Variants in RAB27B observed in about 807,000 individuals in gnomAD.
RAB27B encodes the protein RAB27B, member RAS oncogene family.
Under a neutral mutation model 24.6 loss-of-function variants are expected in RAB27B, and 15 were observed. The observed-to-expected ratio is 0.61, with a 90% CI of 0.41 to 0.94. The LOEUF (loss-of-function observed/expected upper bound fraction) is 0.94, where lower values mean the gene tolerates loss of function less well. Ranked by LOEUF, RAB27B falls within the 40% of genes least tolerant of loss-of-function variation. The pLI, the probability that RAB27B is intolerant of heterozygous loss-of-function variation, is 0.00. For missense variants in RAB27B, 261 were observed against 266.8 expected, an observed-to-expected ratio of 0.98 and a Z score of 0.15; for synonymous variants, 105 against 92.5, an observed-to-expected ratio of 1.14 and a Z score of -0.78.
chr18:54,754,082 T>C (rs1396041822), intron 2 of RAB27B, among the ~76,000 whole-genome samples: 4 of 152,210 alleles, frequency 2.6e-5, no homozygotes, highest in Non-Finnish European at 5.9e-5. Context: ...TGTCCCCACC[T>C]AACTCTCATC....
At chr18:54,856,291 C>T (rs1267724480) in intron 1 of RAB27B, among the ~76,000 whole-genome samples, 2 of 152,026 alleles carry the variant, frequency 1.3e-5, no homozygotes, top group East Asian at 3.9e-4. Flanking sequence ...GTGCAAAGGC[C>T]CTGGGGCAGG....
chr18:54,849,961 C>T (rs976963376), intron 1 of RAB27B, among the ~76,000 whole-genome samples: 15 of 151,958 alleles, frequency 9.9e-5, no homozygotes, highest in African/African-American at 3.4e-4. Context: ...TAAAGGTAGG[C>T]TCGAGTTAGA....
chr18:54,757,759 T>C (rs1458000746), intron 2 of RAB27B, among the ~76,000 whole-genome samples: 1 of 152,086 alleles, frequency 6.6e-6, no homozygotes, highest in Admixed American at 6.6e-5. Flanking sequence ...CAATAATAGG[T>C]TTTATGGGAC....
At chr18:54,878,313 G>C (rs1013874441) in intron 2 of RAB27B, among the ~76,000 whole-genome samples, 3 of 152,126 alleles carry the variant, frequency 2.0e-5, no homozygotes, top group African/African-American at 7.2e-5. Flanking sequence ...TATGCTAGAC[G>C]CTATTGACAG....
chr18:54,780,558 C>A (rs1378675679), intron 2 of RAB27B, among the ~76,000 whole-genome samples: 3 of 152,178 alleles, frequency 2.0e-5, no homozygotes, highest in African/African-American at 4.8e-5. Context: ...GTGGCCTTTT[C>A]TCTCTGCACT....
chr18:54,856,228 A>G (rs1336234328), intron 1 of RAB27B, among the ~76,000 whole-genome samples: 1 of 152,250 alleles, frequency 6.6e-6, no homozygotes, highest in Non-Finnish European at 1.5e-5. Flanking sequence ...GACAATTAGA[A>G]GTCAGCTTAT....
In RAB27B at chr18:54,753,378, G is replaced by C. The variant is rs1047076572; in HGVS notation, c.-20+35237G>C. Among the ~76,000 whole-genome samples the C allele has an allele frequency of 2.6e-4, 39 of 152,150 alleles. 1 individual carries two copies. Among genetic ancestry groups the C allele is most frequent in the Non-Finnish European group, 5.3e-4 (36 of 68,036 alleles). On this transcript the variant is annotated intron_variant, in intron 2 of 4. Transcript: ENST00000586570. ...CTTGTTGAATCTGCAGGCTTAACTA[G>C]TTAATCATTGTTTGGCTTTGGGCAA...
At chr18:54,823,847 T>C (rs1261443251), upstream of RAB27B, among the ~76,000 whole-genome samples, 1 of 152,230 alleles carries the variant, frequency 6.6e-6, no homozygotes, top group Non-Finnish European at 1.5e-5. Flanking sequence ...AAAATTAACT[T>C]TATTTTTATT....
At chr18:54,877,332 G>T (rs1362908879) in intron 1 of RAB27B, among the ~76,000 whole-genome samples, 1 of 152,082 alleles carries the variant, frequency 6.6e-6, no homozygotes, top group African/African-American at 2.4e-5. Context: ...TGTGGCAATT[G>T]ATATTTTGCA....
At chr18:54,770,018 C>T (rs1908492403) in intron 2 of RAB27B, among the ~76,000 whole-genome samples, 1 of 152,090 alleles carries the variant, frequency 6.6e-6, no homozygotes, top group Non-Finnish European at 1.5e-5. Flanking sequence ...CACGTGTGCA[C>T]CACTATGCCT....
rs73959266 is a variant in RAB27B, at chr18:54,741,141, C to G, written c.-20+23000C>G. Among the ~76,000 whole-genome samples the G allele has an allele frequency of 2.1e-3, 319 of 152,260 alleles. 2 individuals are homozygous for G. The highest frequency in any genetic ancestry group is 7.5e-3 in the African/African-American group (312 of 41,558). ...TAAGGTAAAATACAGTTAAATGTTA[C>G]TAAGACCATATCTTCCTATGAGACC... is the stretch of plus-strand genomic sequence containing the variant. On this transcript the variant is annotated intron_variant, in intron 2 of 4. Coordinates refer to the RAB27B transcript ENST00000586570.
In RAB27B at chr18:54,891,272, T is replaced by TGAAGA. The variant is rs1913359010; in HGVS notation, c.*1859_*1860insGAAGA. On this transcript the variant is annotated 3_prime_UTR_variant, in exon 6 of 6. Transcript: ENST00000262094. ...GTGCCATGAATCAAAATATTAATAA[T>TGAAGA]TTGAAAGCTTTCATGCTGTTAGCCC... The TGAAGA allele has an allele frequency of 6.6e-6, 1 of 151,110 alleles. No individual in the cohort carries two copies. Among genetic ancestry groups the TGAAGA allele is most frequent in the African/African-American group, 2.5e-5 (1 of 40,482 alleles). 9.4% of individuals were successfully genotyped at this position (151,110 alleles called of 1,614,324 possible). A position where few individuals can be genotyped will look rare whatever the true frequency, so the allele number is the denominator to read the frequency against.
At chr18:54,771,020 G>C (rs1346191246) in intron 2 of RAB27B, among the ~76,000 whole-genome samples, 1 of 152,136 alleles carries the variant, frequency 6.6e-6, no homozygotes, top group African/African-American at 2.4e-5. Context: ...GGCTAGACAT[G>C]AACAGATGTG....
chr18:54,776,238 G>C (rs770018920), intron 2 of RAB27B, among the ~76,000 whole-genome samples: 5 of 152,238 alleles, frequency 3.3e-5, no homozygotes, highest in Non-Finnish European at 5.9e-5. Flanking sequence ...TAGAGGCAGA[G>C]ATGCCTTCCA....
At chr18:54,830,910 C>A (rs1910649058) in intron 1 of RAB27B, among the ~76,000 whole-genome samples, 1 of 152,136 alleles carries the variant, frequency 6.6e-6, no homozygotes, top group Non-Finnish European at 1.5e-5. Flanking sequence ...TTTAACTAAA[C>A]AACTGCTCAA....
intron 2 of RAB27B, among the ~76,000 whole-genome samples, chr18:54,787,040 A>T (rs548776710): frequency 6.6e-6 from 1 of 152,342 alleles, no homozygotes; most frequent in South Asian, 2.1e-4. Context: ...ACAGTTCAAG[A>T]CACAGTGGAT....
At chr18:54,793,815 G>A (rs72922789) in intron 2 of RAB27B, among the ~76,000 whole-genome samples, 4,001 of 152,276 alleles carry the variant, frequency 0.026, 82 homozygotes, top group Middle Eastern at 0.051. Context: ...GGAAGCAGAG[G>A]AGAGAGGATC....
intron 2 of RAB27B, among the ~76,000 whole-genome samples, chr18:54,773,153 T>G (rs879663580): frequency 2.6e-5 from 4 of 152,218 alleles, no homozygotes; most frequent in Non-Finnish European, 5.9e-5. Context: ...AGACATTAGC[T>G]TTGAAATTTC....
At chr18:54,846,584 C>G (rs1911347979) in intron 1 of RAB27B, among the ~76,000 whole-genome samples, 1 of 152,168 alleles carries the variant, frequency 6.6e-6, no homozygotes, top group Non-Finnish European at 1.5e-5. Context: ...AGTAGTTGAA[C>G]CAGAGAACCT....
Sources: allele counts gnomAD v4.1 joint callset (sites outside exome capture counted in the v4.1 genomes callset), GRCh38; gene constraint gnomAD v4.1.1; transcripts MANE v1.5; gene names NCBI Gene and HGNC (gene_info 2026-07-23, HGNC 2026-07-21).